The following ULK4 variants were observed in gnomAD, a reference collection of about 807,000 sequenced individuals.
ULK4 encodes the protein inactive serine/threonine-protein kinase ULK4.
ULK4 carries 133 observed loss-of-function variants against 160.6 expected under a neutral mutation model. That is an observed-to-expected ratio of 0.83 (90% CI 0.72 to 0.96). The LOEUF (loss-of-function observed/expected upper bound fraction) is 0.96, where lower values mean the gene tolerates loss of function less well. Among genes scored for constraint, ULK4 ranks in the 40% least tolerant of loss-of-function variants. ULK4 has a pLI of 0.00. For missense variants in ULK4, 1,580 were observed against 1,499.5 expected (o/e 1.05, Z -0.89); for synonymous variants, 534 against 539.8 (o/e 0.99, Z 0.15).
rs559529546 is a variant in ULK4, at chr3:41,316,320, C to T, written c.3679-66746G>A. The stretch of plus-strand genomic sequence containing the variant: ...TTTGGGGTGATAAAAATTTTGAAAA[C>T]TGTGGTGATGGCTGCACAACTGCTA... On this transcript the variant is annotated intron_variant, in intron 35 of 36. Transcript: ENST00000301831. Among the ~76,000 whole-genome samples, 3 of 152,268 alleles carry T rather than the reference C, an allele frequency of 2.0e-5. No individual in the cohort carries two copies. The South Asian group carries it at 6.2e-4, about 32-fold the overall frequency.
At chr3:41,280,568 C>T (rs1478047941) in intron 35 of ULK4, among the ~76,000 whole-genome samples, 1 of 151,978 alleles carries the variant, frequency 6.6e-6, no homozygotes, top group Non-Finnish European at 1.5e-5. Flanking sequence ...ACTGAGTAAA[C>T]AACGAAATGA....
At chr3:41,723,689 TA>T (rs1411620042) in intron 22 of ULK4, among the ~76,000 whole-genome samples, 1 of 152,222 alleles carries the variant, frequency 6.6e-6, no homozygotes, top group Non-Finnish European at 1.5e-5. Flanking sequence ...GGCAAAAGTT[TA>T]AACATTTATT....
chr3:41,688,794 C>T (rs2036185499), intron 27 of ULK4, among the ~76,000 whole-genome samples: 1 of 152,114 alleles, frequency 6.6e-6, no homozygotes, highest in South Asian at 2.1e-4. Flanking sequence ...GAGTTTCTAC[C>T]TCACTTATCT....
At chr3:41,602,280 G>A (rs1308997761) in intron 31 of ULK4, among the ~76,000 whole-genome samples, 1 of 103,296 alleles carries the variant, frequency 9.7e-6, no homozygotes, top group African/African-American at 4.6e-5. Context: ...GGAAAGGAAA[G>A]GAAAGGAAAG....
At chr3:41,474,042 A>T (rs1175293259) in intron 32 of ULK4, among the ~76,000 whole-genome samples, 1 of 152,228 alleles carries the variant, frequency 6.6e-6, no homozygotes, top group African/African-American at 2.4e-5. Flanking sequence ...TGGAGCCCTC[A>T]AATGGCCAAG....
intron 35 of ULK4, among the ~76,000 whole-genome samples, chr3:41,265,266 G>A (rs998697780): frequency 1.2e-4 from 19 of 152,226 alleles, no homozygotes; most frequent in African/African-American, 4.3e-4. Context: ...TGATCTGCAT[G>A]CTTCCTAGGA....
At chr3:41,768,539 T>A (rs866605509) in intron 21 of ULK4, among the ~76,000 whole-genome samples, 1 of 152,134 alleles carries the variant, frequency 6.6e-6, no homozygotes, top group Middle Eastern at 3.4e-3. Flanking sequence ...CCTGTAGAGG[T>A]CCACATACAA....
At chr3:41,361,933 T>C (rs1354190341) in intron 35 of ULK4, among the ~76,000 whole-genome samples, 2 of 152,228 alleles carry the variant, frequency 1.3e-5, no homozygotes, top group Non-Finnish European at 2.9e-5. Context: ...TGTTCTGCTG[T>C]TTATAATATC....
Position 41,324,373 on chromosome 3 carries a change from CTGAG to C in ULK4, c.3678+73702_3678+73705del, listed in dbSNP as rs879913049. Among the ~76,000 whole-genome samples, 5 of 152,348 alleles carry C rather than the reference CTGAG, an allele frequency of 3.3e-5. No individual in the cohort carries two copies. In the South Asian group the frequency reaches 1.0e-3, roughly 32 times the overall value. ...TCTTTTATCCAATTCACTGCATTTA[CTGAG>C]TGTCTACTCTGCACAGAGCTATACA... On this transcript the variant is annotated intron_variant, in intron 35 of 36. Coordinates refer to ENST00000301831, the MANE Select transcript of ULK4 (RefSeq NM_017886.4).
chr3:41,873,238 T>TTA (rs1553679684), intron 17 of ULK4, among the ~76,000 whole-genome samples: 6 of 148,844 alleles, frequency 4.0e-5, no homozygotes, highest in African/African-American at 1.0e-4. Flanking sequence ...TTTTTTTTTT[T>TTA]TTTTTGAAAA....
intron 27 of ULK4, among the ~76,000 whole-genome samples, chr3:41,683,519 G>T (rs527813144): frequency 2.0e-5 from 3 of 151,322 alleles, no homozygotes; most frequent in Non-Finnish European, 2.9e-5. Context: ...GCTACAACTG[G>T]TGAGTTTTTC....
rs780920750 is a variant in ULK4 at position 41,911,295 on chromosome 3, CCT to C, written c.1085+20_1085+21del. The C allele has an allele frequency of 3.7e-6, 6 of 1,611,226 alleles. No homozygotes were observed. In the Admixed American group the frequency reaches 8.4e-5, roughly 22 times the overall value. ...ATTTAACTTTTGTCTTGCACTGATC[CCT>C]CTTTTTTCATTTTACCTACCTGAGA... On this transcript the variant is annotated intron_variant, in intron 11 of 36. Coordinates refer to ENST00000301831, the MANE Select transcript of ULK4 (RefSeq NM_017886.4).
chr3:41,792,082 A>G (rs779286936), intron 20 of ULK4, among the ~76,000 whole-genome samples: 4 of 152,234 alleles, frequency 2.6e-5, no homozygotes, highest in Non-Finnish European at 4.4e-5. Context: ...ACCATGGTTT[A>G]GGAAATATGA....
intron 32 of ULK4, among the ~76,000 whole-genome samples, chr3:41,498,591 G>C (rs1162916587): frequency 8.9e-6 from 1 of 112,288 alleles, no homozygotes. Flanking sequence ...TTTTTTTTTT[G>C]CTTTGTTTTT....
intron 19 of ULK4, among the ~76,000 whole-genome samples, chr3:41,802,643 C>T (rs553296598): frequency 3.9e-5 from 6 of 152,034 alleles, no homozygotes; most frequent in Admixed American, 2.6e-4. Context: ...GTATTGTGAG[C>T]TTTATAACAT....
At chr3:41,589,319 G>C (rs1467257587) in intron 31 of ULK4, among the ~76,000 whole-genome samples, 2 of 150,524 alleles carry the variant, frequency 1.3e-5, no homozygotes, top group Non-Finnish European at 2.9e-5. Flanking sequence ...GAATTCCAGA[G>C]AGAAGAGAGT....
chr3:41,765,125 G>A (rs112523310), intron 21 of ULK4, among the ~76,000 whole-genome samples: 2,038 of 152,170 alleles, frequency 0.013, 18 homozygotes, highest in Middle Eastern at 0.027. Flanking sequence ...TTATTGAGGC[G>A]CTATTCACAA....
chr3:41,337,677 T>C (rs1015436058), intron 35 of ULK4, among the ~76,000 whole-genome samples: 4 of 152,228 alleles, frequency 2.6e-5, no homozygotes, highest in African/African-American at 9.6e-5. Context: ...CACAATATGC[T>C]GCGGTACTGC....
intron 12 of ULK4, among the ~76,000 whole-genome samples, chr3:41,903,267 T>C (rs1698435909): frequency 6.6e-6 from 1 of 152,080 alleles, no homozygotes; most frequent in African/African-American, 2.4e-5. Context: ...CCAAAATTAA[T>C]CAATGGGAAA....
Sources: allele counts gnomAD v4.1 joint callset (sites outside exome capture counted in the v4.1 genomes callset), GRCh38; gene constraint gnomAD v4.1.1; transcripts MANE v1.5; gene names NCBI Gene and HGNC (gene_info 2026-07-23, HGNC 2026-07-21).